Variants in HFM1 observed in about 807,000 individuals in gnomAD.
The protein encoded by HFM1 is helicase for meiosis 1.
HFM1 carries 169 observed loss-of-function variants against 192.1 expected under a neutral mutation model. The observed-to-expected ratio is 0.88, with a 90% confidence interval of 0.78 to 1.00. The LOEUF is 1.00. Ranked by LOEUF, HFM1 falls within the 50% of genes least tolerant of loss-of-function variation. The probability of loss-of-function intolerance (pLI) is 0.00; values close to 1 mark genes in which losing one functional copy is unlikely to be tolerated. For synonymous variants in HFM1, 525 were observed against 537.8 expected, an observed-to-expected ratio of 0.98 and a Z score of 0.33; for missense variants, 1,661 against 1,668.0, an observed-to-expected ratio of 1.00 and a Z score of 0.07.
chr1:91,324,093 T>G (rs2101365468), intron 21 of HFM1, among the ~76,000 whole-genome samples: 1 of 152,352 alleles, frequency 6.6e-6, no homozygotes, highest in East Asian at 1.9e-4. Flanking sequence ...TGCCTATGGT[T>G]CTATTCACTG....
intron 13 of HFM1, among the ~76,000 whole-genome samples, chr1:91,367,841 T>C (rs1167806066): frequency 1.3e-5 from 2 of 151,420 alleles, no homozygotes; most frequent in East Asian, 3.9e-4. Context: ...GGCAAAGAAG[T>C]TAAAAACCTT....
chr1:91,371,767 C>G (rs960498286), intron 13 of HFM1, among the ~76,000 whole-genome samples: 33 of 151,470 alleles, frequency 2.2e-4, no homozygotes, highest in Non-Finnish European at 4.4e-4. Context: ...AGCTTCTGTA[C>G]AGCAAAAGAA....
intron 20 of HFM1, chr1:91,328,285 TG>T: frequency 1.0e-6 from 1 of 961,828 alleles, no homozygotes; most frequent in Non-Finnish European, 1.5e-6. Context: ...GGGGGGAAAG[TG>T]GGCTTAGGAC....
intron 20 of HFM1, among the ~76,000 whole-genome samples, chr1:91,341,632 A>G (rs1218635719): frequency 6.6e-6 from 1 of 152,174 alleles, no homozygotes; most frequent in Non-Finnish European, 1.5e-5. Context: ...CACACAAATG[A>G]TCAACAAAAC....
intron 13 of HFM1, among the ~76,000 whole-genome samples, chr1:91,369,913 C>T (rs1419127728): frequency 6.6e-6 from 1 of 152,078 alleles, no homozygotes; most frequent in African/African-American, 2.4e-5. Flanking sequence ...GGGGATATAG[C>T]CACCGATCCC....
chr1:91,298,586 C>A (rs1197154902), intron 30 of HFM1, among the ~76,000 whole-genome samples: 2 of 152,210 alleles, frequency 1.3e-5, no homozygotes, highest in Non-Finnish European at 2.9e-5. Context: ...AACAGCTGAT[C>A]TCTTGGCAGA....
intron 20 of HFM1, chr1:91,328,565 G>C: frequency 6.2e-7 from 1 of 1,611,376 alleles, no homozygotes; most frequent in Non-Finnish European, 8.5e-7. Context: ...GAGACCACCA[G>C]CCACCTGATA....
At chr1:91,286,740 T>A (rs539737182) in intron 30 of HFM1, among the ~76,000 whole-genome samples, 39 of 152,324 alleles carry the variant, frequency 2.6e-4, no homozygotes, top group African/African-American at 8.9e-4. Context: ...CATTTCCATC[T>A]GAGGTACCGG....
chr1:91,404,940 T>C (rs1291076222), upstream of HFM1: 1 of 450,320 alleles, frequency 2.2e-6, no homozygotes, highest in African/African-American at 2.0e-5. Flanking sequence ...TCTCCGAAAG[T>C]TTATAACTGG....
At chr1:91,363,267 T>G (rs954110641) in intron 13 of HFM1, among the ~76,000 whole-genome samples, 11 of 151,868 alleles carry the variant, frequency 7.2e-5, no homozygotes, top group African/African-American at 2.7e-4. Context: ...AGGAGAAAAT[T>G]TCTGCAATCT....
intron 36 of HFM1, among the ~76,000 whole-genome samples, chr1:91,265,603 A>G (rs1665688969): frequency 6.6e-6 from 1 of 152,166 alleles, no homozygotes; most frequent in Non-Finnish European, 1.5e-5. Context: ...GTGGCCACAC[A>G]TACCACACTT....
intron 35 of HFM1, 107 bp downstream of exon 35, chr1:91,267,638 T>C (rs1352098424): frequency 1.7e-6 from 1 of 572,958 alleles, no homozygotes; most frequent in Non-Finnish European, 3.0e-6. Flanking sequence ...CAAATCTAAC[T>C]AAACAAGCAC....
At chr1:91,326,306 CA>C (rs1652892083) in intron 20 of HFM1, among the ~76,000 whole-genome samples, 1 of 151,998 alleles carries the variant, frequency 6.6e-6, no homozygotes, top group South Asian at 2.1e-4. Flanking sequence ...AAGGCTACCT[CA>C]CGGTATTTAA....
intron 1 of HFM1, among the ~76,000 whole-genome samples, chr1:91,401,708 T>C (rs1466915510): frequency 6.6e-6 from 1 of 152,150 alleles, no homozygotes; most frequent in Non-Finnish European, 1.5e-5. Flanking sequence ...GGTTTGAACT[T>C]TTTCAAAATA....
At chr1:91,265,868 T>C in intron 36 of HFM1, 149 bp downstream of exon 36, 1 of 1,075,230 alleles carries the variant, frequency 9.3e-7, no homozygotes, top group African/African-American at 1.7e-5. Flanking sequence ...CAACAGCACT[T>C]TGAGAAATAC....
At chr1:91,361,260 A>C (rs1044067037) in intron 13 of HFM1, among the ~76,000 whole-genome samples, 1 of 152,052 alleles carries the variant, frequency 6.6e-6, no homozygotes, top group Non-Finnish European at 1.5e-5. Context: ...CACCAAATCC[A>C]GGAGCTAGTT....
chr1:91,329,885 C>G (rs1048183749), intron 20 of HFM1, among the ~76,000 whole-genome samples: 5 of 152,180 alleles, frequency 3.3e-5, no homozygotes, highest in African/African-American at 1.2e-4. Flanking sequence ...GGCTGGCCAA[C>G]TGGTGGCCAG....
intron 30 of HFM1, among the ~76,000 whole-genome samples, chr1:91,292,186 T>C (rs1286820023): frequency 1.3e-5 from 2 of 151,296 alleles, no homozygotes; most frequent in African/African-American, 4.9e-5. Context: ...AACATAGTGT[T>C]GGAAGTTCTG....
chr1:91,378,935 T>G, intron 9 of HFM1, 128 bp downstream of exon 9: 1 of 568,024 alleles, frequency 1.8e-6, no homozygotes, highest in Non-Finnish European at 2.9e-6. Context: ...AGTATTTTTT[T>G]AATGTTTGTT....
Sources: gnomAD v4.1 joint callset for allele counts (sites outside exome capture counted in the v4.1 genomes callset) on GRCh38, gnomAD v4.1.1 for gene constraint, MANE v1.5 for transcripts, NCBI Gene and HGNC (gene_info 2026-07-23, HGNC 2026-07-21) for gene names.